AMOTL1: variants seen among roughly 807,000 people sequenced by gnomAD.
AMOTL1 encodes angiomotin like 1.
In AMOTL1, 45 loss-of-function variants were observed where a neutral mutation model predicts 102.9. That is an observed-to-expected ratio of 0.44 (90% CI 0.34 to 0.56). The LOEUF is 0.56. Ranked by LOEUF, AMOTL1 falls within the 20% of genes least tolerant of loss-of-function variation. The probability of loss-of-function intolerance (pLI) is 0.01; values close to 1 mark genes in which losing one functional copy is unlikely to be tolerated. For missense variants in AMOTL1, 1,114 were observed against 1,225.6 expected (o/e 0.91, Z 1.36); for synonymous variants, 481 against 484.7 (o/e 0.99, Z 0.10).
intron 2 of AMOTL1, among the ~76,000 whole-genome samples, chr11:94,738,234 T>C (rs950037368): frequency 6.7e-6 from 1 of 148,358 alleles, no homozygotes; most frequent in Non-Finnish European, 1.5e-5. Flanking sequence ...GAATCGAAAA[T>C]AAGACCAGAG....
At chr11:94,721,478 G>A (rs534136711) in intron 1 of AMOTL1, among the ~76,000 whole-genome samples, 1 of 152,118 alleles carries the variant, frequency 6.6e-6, no homozygotes, top group Non-Finnish European at 1.5e-5. Flanking sequence ...GTATTTGGAG[G>A]TGGGACCTTT....
intron 1 of AMOTL1, among the ~76,000 whole-genome samples, chr11:94,711,887 T>C (rs1950027005): frequency 6.6e-6 from 1 of 152,126 alleles, no homozygotes; most frequent in Non-Finnish European, 1.5e-5. Flanking sequence ...CTGTTACAAA[T>C]AAAGATGCTA....
intron 3 of AMOTL1, among the ~76,000 whole-genome samples, chr11:94,752,051 T>A (rs902259913): frequency 1.3e-5 from 2 of 152,188 alleles, no homozygotes; most frequent in Admixed American, 6.5e-5. Context: ...TGCCGGATGA[T>A]CATTGTGGAA....
In AMOTL1 at chr11:94,807,330, C is replaced by G; in HGVS notation, c.1121+7019C>G. Reference sequence around the variant, plus strand: ...GAGTCAACAGAATTCAAATTTGAACCTCTTCACAGCCAAGAAGCCCTATAT... The same window carrying G: ...GAGTCAACAGAATTCAAATTTGAACGTCTTCACAGCCAAGAAGCCCTATAT... On this transcript the variant is annotated intron_variant, in intron 3 of 12. Transcript: ENST00000433060. Among the ~76,000 whole-genome samples, 3 of 152,096 alleles carry G rather than the reference C, an allele frequency of 2.0e-5. 1 individual carries two copies. The highest frequency in any genetic ancestry group is 4.4e-5 in the Non-Finnish European group (3 of 68,026).
intron 1 of AMOTL1, among the ~76,000 whole-genome samples, chr11:94,791,699 T>C (rs1194974552): frequency 2.0e-5 from 3 of 152,250 alleles, no homozygotes; most frequent in Non-Finnish European, 4.4e-5. Flanking sequence ...TAATGGTATC[T>C]GGGAGGCTTC....
intron 6 of AMOTL1, among the ~76,000 whole-genome samples, chr11:94,847,554 A>G (rs772522772): frequency 5.3e-5 from 8 of 152,158 alleles, no homozygotes; most frequent in Non-Finnish European, 1.0e-4. Flanking sequence ...ACTGTGATGT[A>G]GATGTTACCA....
intron 1 of AMOTL1, among the ~76,000 whole-genome samples, chr11:94,791,046 G>T (rs1167861607): frequency 1.3e-5 from 2 of 152,142 alleles, no homozygotes; most frequent in African/African-American, 4.8e-5. Flanking sequence ...TTAGCTAAAG[G>T]CCTCTGTTAC....
chr11:94,790,430 C>T (rs1297150233), intron 1 of AMOTL1, among the ~76,000 whole-genome samples: 1 of 152,058 alleles, frequency 6.6e-6, no homozygotes, highest in Admixed American at 6.5e-5. Context: ...TCAGTCAGGG[C>T]ATGGGGGATG....
At chr11:94,852,125 G>T (rs531015665) in intron 7 of AMOTL1, among the ~76,000 whole-genome samples, 1 of 152,330 alleles carries the variant, frequency 6.6e-6, no homozygotes, top group South Asian at 2.1e-4. Flanking sequence ...AAAATATTTT[G>T]TCAGATGAGG....
At chr11:94,814,591 G>T (rs1029479283) in intron 3 of AMOTL1, among the ~76,000 whole-genome samples, 2 of 152,054 alleles carry the variant, frequency 1.3e-5, no homozygotes, top group Non-Finnish European at 2.9e-5. Flanking sequence ...GCCTATCCTC[G>T]GCTTGCAAAG....
At chr11:94,840,654 GTATATA>G (rs551220386) in intron 6 of AMOTL1, among the ~76,000 whole-genome samples, 33 of 111,282 alleles carry the variant, frequency 3.0e-4, no homozygotes, top group East Asian at 1.1e-3. Flanking sequence ...CTTAAAAAAC[GTATATA>G]TATATATATA....
chr11:94,854,128 T>A, intron 8 of AMOTL1, 46 bp downstream of exon 8: 1 of 1,478,572 alleles, frequency 6.8e-7, no homozygotes. Context: ...ATATGTTCAC[T>A]CAGCAAACGT....
chr11:94,856,070 T>TGTC (rs1332222685), intron 8 of AMOTL1, among the ~76,000 whole-genome samples: 1 of 151,500 alleles, frequency 6.6e-6, no homozygotes. Flanking sequence ...TTGTTGTTGT[T>TGTC]GTTGTTGTTT....
At chr11:94,817,814 T>C (rs1211653908) in intron 3 of AMOTL1, among the ~76,000 whole-genome samples, 1 of 152,236 alleles carries the variant, frequency 6.6e-6, no homozygotes, top group East Asian at 1.9e-4. Flanking sequence ...AAAGCTAATG[T>C]GTTCATAAAC....
chr11:94,859,576 C>G lies in AMOTL1; in HGVS notation c.1996C>G (p.Leu666Val), dbSNP rs1355457596. ...CATGCCGGAATACAATGCCCCAGCC[C>G]TCCTGGAACTTGTGCGGGAGAAGGA... is the stretch of plus-strand genomic sequence containing the variant. The part of the protein sequence containing the change: ...ANMPEYNAPA[L>V]LELVREKEER... The change falls in exon 9 of 13, where the codon CTC becomes GTC. Residue 666 changes from leucine to valine, a missense_variant. Coordinates refer to ENST00000433060, the MANE Select transcript of AMOTL1 (RefSeq NM_130847.3). The G allele has an allele frequency of 1.2e-6, 2 of 1,613,938 alleles. No individual in the cohort carries two copies. Among genetic ancestry groups the G allele is most frequent in the Admixed American group, 3.3e-5 (2 of 60,014 alleles).
chr11:94,808,363 G>A (rs1013491981), intron 3 of AMOTL1, among the ~76,000 whole-genome samples: 8 of 152,080 alleles, frequency 5.3e-5, no homozygotes, highest in Non-Finnish European at 1.0e-4. Flanking sequence ...ATTTTGCATA[G>A]GAAAATGTCT....
chr11:94,772,320 C>T (rs1950964070), intron 1 of AMOTL1, among the ~76,000 whole-genome samples: 1 of 152,146 alleles, frequency 6.6e-6, no homozygotes, highest in South Asian at 2.1e-4. Flanking sequence ...TATTTTATTA[C>T]CCCAATGATC....
Position 94,873,510 on chromosome 11 carries a change from A to C in AMOTL1, c.*2715A>C, listed in dbSNP as rs913468360. Reference sequence around the variant, plus strand: ...TATTTTCTAGTGTCAACTGTATGCAAACAGTGTGGTAAATACCTTTTAATT... The same window carrying C: ...TATTTTCTAGTGTCAACTGTATGCACACAGTGTGGTAAATACCTTTTAATT... On this transcript the variant is annotated 3_prime_UTR_variant, in exon 13 of 13. Transcript: ENST00000433060. 3 of 152,204 alleles carry C rather than the reference A, an allele frequency of 2.0e-5. No individual in the cohort carries two copies. The highest frequency in any genetic ancestry group is 4.4e-5 in the Non-Finnish European group (3 of 68,042). 9.4% of individuals were successfully genotyped at this position (152,204 alleles called of 1,614,324 possible). A position where few individuals can be genotyped will look rare whatever the true frequency, so the allele number is the denominator to read the frequency against.
chr11:94,775,295 A>G (rs1486025423), intron 1 of AMOTL1, among the ~76,000 whole-genome samples: 6 of 152,202 alleles, frequency 3.9e-5, no homozygotes, highest in Non-Finnish European at 8.8e-5. Context: ...GACATCATGA[A>G]GAAGGTTCCT....
Sources: gnomAD v4.1 joint callset for allele counts (sites outside exome capture counted in the v4.1 genomes callset) on GRCh38, gnomAD v4.1.1 for gene constraint, MANE v1.5 for transcripts, NCBI Gene and HGNC (gene_info 2026-07-23, HGNC 2026-07-21) for gene names.